The following METTL22 variants were observed in gnomAD, a reference collection of about 807,000 sequenced individuals.
METTL22 encodes the protein methyltransferase-like protein 22.
Under a neutral mutation model 48.4 loss-of-function variants are expected in METTL22, and 51 were observed. The observed-to-expected ratio is 1.05, with a 90% CI of 0.84 to 1.33. The LOEUF is 1.33. METTL22 is among the 40% of genes most tolerant of loss of function. METTL22 has a pLI of 0.00. For missense variants in METTL22, 678 were observed against 526.9 expected, an observed-to-expected ratio of 1.29 and a Z score of -2.81; for synonymous variants, 255 against 214.1, an observed-to-expected ratio of 1.19 and a Z score of -1.67.
chr16:8,656,631 C>G, the METTL22 span, among the ~76,000 whole-genome samples: 1 of 152,258 alleles, frequency 6.6e-6, no homozygotes, highest in South Asian at 2.1e-4. Flanking sequence ...TGTCACTCCA[C>G]CTTCATCTGC....
chr16:8,643,858 C>T (rs963695262), intron 9 of METTL22, among the ~76,000 whole-genome samples: 25 of 152,298 alleles, frequency 1.6e-4, no homozygotes, highest in African/African-American at 5.5e-4. Context: ...AGGTGATCTG[C>T]CCTCCTCGGC....
chr16:8,635,453 C>T (rs1283171986), intron 5 of METTL22, 141 bp downstream of exon 5: 2 of 1,016,454 alleles, frequency 2.0e-6, no homozygotes, highest in South Asian at 2.0e-5. Flanking sequence ...CTGGCCCTCT[C>T]CACTCTCCAT....
At chr16:8,636,738 C>T (rs1247789594) in intron 5 of METTL22, among the ~76,000 whole-genome samples, 5 of 151,548 alleles carry the variant, frequency 3.3e-5, no homozygotes, top group Non-Finnish European at 7.4e-5. Flanking sequence ...TAGGAGTGGG[C>T]GGTGTTAGTT....
At chr16:8,659,008 C>T in the METTL22 span, among the ~76,000 whole-genome samples, 1 of 152,028 alleles carries the variant, frequency 6.6e-6, no homozygotes, top group Non-Finnish European at 1.5e-5. Flanking sequence ...ACAAAGCCTT[C>T]CCCAGTGTCC....
rs2056512564 is a variant in METTL22, at chr16:8,639,086, T to G, written c.701-5T>G. 1 of 1,614,048 alleles carries G rather than the reference T, an allele frequency of 6.2e-7. No individual in the cohort carries two copies. Among genetic ancestry groups the G allele is most frequent in the South Asian group, 1.1e-5 (1 of 91,078 alleles). ...CACTTTATGGCTTGCCCTCTGTCATTCCAGATGTCGGTGCAGATCTCTTGT... is the reference window on the plus strand; with the variant it reads ...CACTTTATGGCTTGCCCTCTGTCATGCCAGATGTCGGTGCAGATCTCTTGT... On this transcript the variant is annotated splice_polypyrimidine_tract_variant and splice_region_variant and intron_variant, in intron 5 of 10. Transcript: ENST00000381920.
chr16:8,624,351 A>C (rs1041695739), intron 1 of METTL22, among the ~76,000 whole-genome samples: 1 of 144,492 alleles, frequency 6.9e-6, no homozygotes, highest in Non-Finnish European at 1.5e-5. Flanking sequence ...TTTTCCTTTA[A>C]ATCCACTCAC....
At chr16:8,657,904 C>T in the METTL22 span, among the ~76,000 whole-genome samples, 1 of 151,042 alleles carries the variant, frequency 6.6e-6, no homozygotes, top group Non-Finnish European at 1.5e-5. Context: ...GCAGCCTCAA[C>T]CTCCTGGACT....
intron 5 of METTL22, among the ~76,000 whole-genome samples, chr16:8,638,413 C>G (rs563118569): frequency 1.3e-5 from 2 of 152,296 alleles, no homozygotes; most frequent in South Asian, 4.1e-4. Context: ...TTTGGTAAAG[C>G]ACTGCTTCTG....
the METTL22 span, among the ~76,000 whole-genome samples, chr16:8,655,783 A>G: frequency 5.3e-5 from 8 of 152,202 alleles, no homozygotes; most frequent in Admixed American, 1.3e-4. Flanking sequence ...TTGAGCACCA[A>G]CTTCCATCCA....
chr16:8,626,489 C>T (rs1326055457), intron 2 of METTL22, among the ~76,000 whole-genome samples: 3 of 149,608 alleles, frequency 2.0e-5, no homozygotes, highest in Admixed American at 6.7e-5. Context: ...CGCTCTGTCA[C>T]CCAGGGGGCA....
chr16:8,662,247 A>T, the METTL22 span, among the ~76,000 whole-genome samples: 108,765 of 144,118 alleles, frequency 0.75, 45,698 homozygotes, highest in East Asian at 0.99. Flanking sequence ...GTCTCTAAAA[A>T]TAAAAATAGC....
chr16:8,641,390 T>C (rs762851154), intron 7 of METTL22: 3 of 659,768 alleles, frequency 4.5e-6, no homozygotes, highest in Non-Finnish European at 8.4e-6. Flanking sequence ...CTCACGTTCA[T>C]TTTCTTCTCC....
At chr16:8,635,456 C>G in intron 5 of METTL22, 144 bp downstream of exon 5, 2 of 985,300 alleles carry the variant, frequency 2.0e-6, no homozygotes, top group Non-Finnish European at 2.8e-6. Flanking sequence ...GCCCTCTCCA[C>G]TCTCCATTTA....
chr16:8,630,316 C>T (rs7200089), intron 3 of METTL22, among the ~76,000 whole-genome samples: 150,402 of 152,310 alleles, frequency 0.99, 74,294 homozygotes, highest in Middle Eastern at 1. Context: ...CCATGGGTGA[C>T]CTCTGCCCTC....
intron 9 of METTL22, among the ~76,000 whole-genome samples, chr16:8,643,959 A>C (rs2056703196): frequency 6.8e-6 from 1 of 147,712 alleles, no homozygotes; most frequent in Non-Finnish European, 1.5e-5. Context: ...TTTCTTGATA[A>C]AAAAATTTGG....
chr16:8,632,242 C>T (rs2056287674), intron 3 of METTL22: 1 of 152,240 alleles, frequency 6.6e-6, no homozygotes, highest in Non-Finnish European at 1.5e-5. Context: ...CCCTGAGCCT[C>T]TTGTTCTCTC....
intron 9 of METTL22, chr16:8,642,830 C>A: frequency 1.9e-6 from 1 of 528,458 alleles, no homozygotes; most frequent in Non-Finnish European, 3.4e-6. Flanking sequence ...CAGGGCACGG[C>A]TAGTTAGTGA....
chr16:8,642,173 G>A lies in METTL22; in HGVS notation c.873G>A (p.Leu291=), dbSNP rs1342844589. 2 of 1,613,790 alleles carry A rather than the reference G, an allele frequency of 1.2e-6. No individual in the cohort carries two copies. Among genetic ancestry groups the A allele is most frequent in the Non-Finnish European group, 8.5e-7 (1 of 1,179,728 alleles). ...GGTCACAAGAGGAAATTTCTGACTT[G>A]TACGATCACACCACCATCCTGTTTG... ...FSWSQEEISD[L]YDHTTILFAA... Residue 291 remains leucine, a synonymous_variant, in exon 8 of 11, where the codon TTG becomes TTA. Coordinates refer to ENST00000381920, the MANE Select transcript of METTL22 (RefSeq NM_024109.4).
downstream of METTL22, among the ~76,000 whole-genome samples, chr16:8,651,570 C>A (rs902404645): frequency 1.3e-5 from 2 of 152,098 alleles, no homozygotes; most frequent in African/African-American, 4.8e-5. Context: ...CACATCATCA[C>A]CTGCTAGAGA....
Sources: allele counts gnomAD v4.1 joint callset (sites outside exome capture counted in the v4.1 genomes callset), GRCh38; gene constraint gnomAD v4.1.1; transcripts MANE v1.5; gene names NCBI Gene and HGNC (gene_info 2026-07-23, HGNC 2026-07-21).